The following ASAP1 variants were observed in gnomAD, a reference collection of about 807,000 sequenced individuals.
The protein encoded by ASAP1 is arf-GAP with SH3 domain, ANK repeat and PH domain-containing protein 1.
In ASAP1, 43 loss-of-function variants were observed where a neutral mutation model predicts 145.2. The ratio of observed to expected loss-of-function variants is 0.30; its 90% CI spans 0.23 to 0.38. ASAP1 has a LOEUF of 0.38. Among genes scored for constraint, ASAP1 ranks in the 10% least tolerant of loss-of-function variants. The pLI, the probability that ASAP1 is intolerant of heterozygous loss-of-function variation, is 1.00. For synonymous variants in ASAP1, 546 were observed against 515.5 expected, an observed-to-expected ratio of 1.06 and a Z score of -0.80; for missense variants, 1,018 against 1,355.3, an observed-to-expected ratio of 0.75 and a Z score of 3.91.
chr8:130,150,775 G>A (rs1025103642), intron 13 of ASAP1, among the ~76,000 whole-genome samples: 8 of 152,154 alleles, frequency 5.3e-5, no homozygotes, highest in African/African-American at 1.2e-4. Context: ...AGCTACTTAG[G>A]AGGCTGAGAT....
At chr8:130,170,416 A>G (rs1380607423) in intron 9 of ASAP1, among the ~76,000 whole-genome samples, 2 of 152,100 alleles carry the variant, frequency 1.3e-5, no homozygotes, top group Non-Finnish European at 2.9e-5. Flanking sequence ...CGGCCTCCCA[A>G]AATGCTGGGA....
intron 29 of ASAP1, among the ~76,000 whole-genome samples, chr8:130,056,740 G>A (rs1284095243): frequency 2.6e-5 from 4 of 152,192 alleles, no homozygotes; most frequent in African/African-American, 4.8e-5. Context: ...GCTCAACTGC[G>A]AGCCTCAGGT....
chr8:130,443,335 C>G (rs1830558944), intron 1 of ASAP1, 125 bp downstream of exon 1: 1 of 151,644 alleles, frequency 6.6e-6, no homozygotes, highest in East Asian at 1.9e-4. Context: ...CGAGAGGAGC[C>G]GGGAGCCCGC....
At chr8:130,420,205 C>T (rs1829659362) in intron 1 of ASAP1, among the ~76,000 whole-genome samples, 1 of 150,150 alleles carries the variant, frequency 6.7e-6, no homozygotes, top group South Asian at 2.1e-4. Context: ...AAGATAAAAC[C>T]TCACACCCAC....
At chr8:130,302,280 G>A (rs528842474) in intron 3 of ASAP1, among the ~76,000 whole-genome samples, 39 of 152,310 alleles carry the variant, frequency 2.6e-4, no homozygotes, top group African/African-American at 6.7e-4. Context: ...ACCAGCCAGG[G>A]CTGCTAAAAG....
chr8:130,176,173 G>GT (rs1813938330), intron 9 of ASAP1, among the ~76,000 whole-genome samples: 1 of 152,096 alleles, frequency 6.6e-6, no homozygotes, highest in African/African-American at 2.4e-5. Flanking sequence ...CGGAAGTGTC[G>GT]TGACTATTAC....
At chr8:130,270,880 T>G (rs1443079551) in intron 3 of ASAP1, among the ~76,000 whole-genome samples, 2 of 149,920 alleles carry the variant, frequency 1.3e-5, no homozygotes, top group Non-Finnish European at 3.0e-5. Context: ...TCCTCCTTTT[T>G]TGAAACAGAA....
chr8:130,433,292 A>G (rs865959731), intron 1 of ASAP1, among the ~76,000 whole-genome samples: 7 of 152,278 alleles, frequency 4.6e-5, no homozygotes, highest in Middle Eastern at 3.4e-3. Context: ...CCTCCCCAAA[A>G]ATAGCCAGCA....
chr8:130,112,005 T>C lies in ASAP1; in HGVS notation c.2401+89A>G, dbSNP rs1182809308. On this transcript the variant is annotated intron_variant, in intron 24 of 29. Transcript: ENST00000518721. ...CCACTCAAATGTACCTTGCAATTCTTACCTCAAAGCTGGCTAGACTATCAG... is the reference window on the plus strand; with the variant it reads ...CCACTCAAATGTACCTTGCAATTCTCACCTCAAAGCTGGCTAGACTATCAG... 5.5e-6 allele frequency: 7 copies of C among 1,279,736 alleles called. No individual in the cohort carries two copies. The Admixed American group carries it at 1.2e-4, about 21-fold the overall frequency. The allele number at this position is 1,279,736 out of a possible 1,614,324, so 79.3% of individuals were successfully genotyped here. A position where few individuals can be genotyped will look rare whatever the true frequency, so the allele number is the denominator to read the frequency against.
At chr8:130,137,683 C>A (rs2097598284) in intron 13 of ASAP1, among the ~76,000 whole-genome samples, 1 of 152,160 alleles carries the variant, frequency 6.6e-6, no homozygotes, top group African/African-American at 2.4e-5. Flanking sequence ...GCTTAATGAA[C>A]CCCAATATCT....
chr8:130,203,457 G>A (rs1815999996), intron 5 of ASAP1, among the ~76,000 whole-genome samples: 1 of 152,210 alleles, frequency 6.6e-6, no homozygotes, highest in Admixed American at 6.5e-5. Context: ...AGGCTGGGCT[G>A]TAGGACCTCC....
intron 11 of ASAP1, among the ~76,000 whole-genome samples, chr8:130,164,594 C>A (rs549487436): frequency 1.1e-4 from 17 of 152,212 alleles, no homozygotes; most frequent in African/African-American, 3.1e-4. Context: ...CTCAAAAAAA[C>A]CAAAACAAAA....
At chr8:130,201,386 A>T (rs1226920091) in intron 5 of ASAP1, among the ~76,000 whole-genome samples, 1 of 152,244 alleles carries the variant, frequency 6.6e-6, no homozygotes, top group Non-Finnish European at 1.5e-5. Flanking sequence ...CTCATAAAGT[A>T]CATTTTACTG....
intron 13 of ASAP1, among the ~76,000 whole-genome samples, chr8:130,148,419 A>G (rs542447841): frequency 6.6e-6 from 1 of 152,352 alleles, no homozygotes; most frequent in Non-Finnish European, 1.5e-5. Context: ...TGAAAATTCA[A>G]AGATGAGTAA....
chr8:130,318,050 A>G (rs937944958), intron 3 of ASAP1, among the ~76,000 whole-genome samples: 1 of 152,222 alleles, frequency 6.6e-6, no homozygotes, highest in African/African-American at 2.4e-5. Context: ...CAAGACAAAA[A>G]GGAATAGCAC....
chr8:130,422,332 TAA>T (rs1829753781), intron 1 of ASAP1, among the ~76,000 whole-genome samples: 1 of 152,184 alleles, frequency 6.6e-6, no homozygotes, highest in Admixed American at 6.5e-5. Flanking sequence ...CAGGAGCATA[TAA>T]ACTGTGACTA....
chr8:130,270,370 A>G (rs1820514966), intron 3 of ASAP1, among the ~76,000 whole-genome samples: 1 of 152,202 alleles, frequency 6.6e-6, no homozygotes, highest in Admixed American at 6.5e-5. Flanking sequence ...GCAGACCCTT[A>G]TAATTCTGAT....
Position 130,311,761 on chromosome 8 carries a change from C to CAAAAAAAAA in ASAP1, c.186+46247_186+46255dup, listed in dbSNP as rs201264577. 2.1e-4 allele frequency among the ~76,000 whole-genome samples: 18 copies of CAAAAAAAAA among 85,364 alleles called. 3 individuals are homozygous for CAAAAAAAAA. Among genetic ancestry groups the CAAAAAAAAA allele is most frequent in the African/African-American group, 5.9e-4 (11 of 18,688 alleles). The allele number at this position is 85,364 out of a possible 152,430, so 56.0% of individuals were successfully genotyped here. A position where few individuals can be genotyped will look rare whatever the true frequency, so the allele number is the denominator to read the frequency against. ...GGGCAACAAGAGCGAAACTCCGTCTCAAAAAAAAAAAAAAGGCAAAATAAG... is the reference window on the plus strand; with the variant it reads ...GGGCAACAAGAGCGAAACTCCGTCTCAAAAAAAAAAAAAAAAAAAAAAAGGCAAAATAAG... On this transcript the variant is annotated intron_variant, in intron 3 of 29. Transcript: ENST00000518721.
chr8:130,422,920 T>C (rs1211004159), intron 1 of ASAP1, among the ~76,000 whole-genome samples: 1 of 152,172 alleles, frequency 6.6e-6, no homozygotes, highest in Non-Finnish European at 1.5e-5. Context: ...CAAATATCCA[T>C]CTGCTTCACC....
Sources: gnomAD v4.1 joint callset for allele counts (sites outside exome capture counted in the v4.1 genomes callset) on GRCh38, gnomAD v4.1.1 for gene constraint, MANE v1.5 for transcripts, NCBI Gene and HGNC (gene_info 2026-07-23, HGNC 2026-07-21) for gene names.